PPP1R1C: variants seen among roughly 807,000 people sequenced by gnomAD.
PPP1R1C encodes protein phosphatase 1 regulatory inhibitor subunit 1C.
In PPP1R1C, 15 loss-of-function variants were observed where a neutral mutation model predicts 17.4. The observed-to-expected ratio is 0.86, with a 90% CI of 0.58 to 1.33. PPP1R1C has a LOEUF of 1.33. Ranked by LOEUF, PPP1R1C falls within the 40% of genes most tolerant of loss-of-function variation. The pLI is 0.00. For missense variants in PPP1R1C, 143 were observed against 130.0 expected (o/e 1.10, Z -0.48); for synonymous variants, 35 against 43.1 (o/e 0.81, Z 0.73).
chr2:182,084,481 A>G (rs1025741187), intron 4 of PPP1R1C, among the ~76,000 whole-genome samples: 1 of 152,118 alleles, frequency 6.6e-6, no homozygotes. Flanking sequence ...ATTCTTCTAC[A>G]TGTGGCTATC....
intron 2 of PPP1R1C, among the ~76,000 whole-genome samples, chr2:182,033,197 T>G (rs1000696659): frequency 6.6e-6 from 1 of 152,206 alleles, no homozygotes; most frequent in African/African-American, 2.4e-5. Context: ...CCTTGCCACA[T>G]CTTGCTCTGC....
rs187210533 is a variant in PPP1R1C at position 182,068,223 on chromosome 2, C to T, written c.241+4432C>T. ...GGGAAAATGAAAGTGTTGTTTACCA[C>T]ATATGATTGCTGTAGGGACTGAATG... On this transcript the variant is annotated intron_variant, in intron 4 of 4. Coordinates refer to ENST00000682840, the MANE Select transcript of PPP1R1C (RefSeq NM_001080545.3). Among the ~76,000 whole-genome samples, 178 of 152,242 alleles carry T rather than the reference C, an allele frequency of 1.2e-3. 1 individual carries two copies. The highest frequency in any genetic ancestry group is 3.9e-3 in the Admixed American group (60 of 15,292).
At chr2:182,119,878 T>A (rs1689688759), downstream of PPP1R1C, among the ~76,000 whole-genome samples, 1 of 152,226 alleles carries the variant, frequency 6.6e-6, no homozygotes. Flanking sequence ...CTGATGGTAG[T>A]TTCTTTCGCT....
rs200714728 is a variant in PPP1R1C, at chr2:181,987,895, C to T, written c.138C>T (p.Pro46=). The T allele has an allele frequency of 8.7e-5, 140 of 1,612,094 alleles. No homozygotes were observed. Among genetic ancestry groups the T allele is most frequent in the Non-Finnish European group, 1.1e-4 (132 of 1,178,760 alleles). Residue 46 remains proline (P), a synonymous_variant, in exon 2 of 5, where the codon CCC becomes CCT. Coordinates refer to ENST00000682840, the MANE Select transcript of PPP1R1C (RefSeq NM_001080545.3). ...ASLVILNEHN[P]PEIDDKRGPN... ...TTGTGATTCTCAATGAGCATAACCC[C>T]CCAGGTAAAGAAGCATGATGTGTTT... is the stretch of plus-strand genomic sequence containing the variant.
chr2:182,023,025 C>T (rs930519889), intron 2 of PPP1R1C, among the ~76,000 whole-genome samples: 11 of 151,866 alleles, frequency 7.2e-5, no homozygotes, highest in African/African-American at 1.9e-4. Flanking sequence ...TATAGTTTGT[C>T]GTATCAAAAT....
At chr2:181,992,216 G>A (rs1213160826) in intron 2 of PPP1R1C, among the ~76,000 whole-genome samples, 1 of 77,094 alleles carries the variant, frequency 1.3e-5, no homozygotes, top group East Asian at 2.7e-4. Context: ...GATAATTTCA[G>A]ATGTTAGAAA....
At chr2:182,113,479 G>T (rs1214899774) in intron 4 of PPP1R1C, among the ~76,000 whole-genome samples, 2 of 151,966 alleles carry the variant, frequency 1.3e-5, no homozygotes, top group African/African-American at 4.8e-5. Flanking sequence ...TGAGAACTAG[G>T]CAGCATGTTG....
chr2:182,016,977 A>G (rs544073591), intron 2 of PPP1R1C, among the ~76,000 whole-genome samples: 6 of 152,356 alleles, frequency 3.9e-5, no homozygotes, highest in Non-Finnish European at 5.9e-5. Context: ...ATTTTAATCC[A>G]TAATCCAAAA....
At chr2:182,066,310 A>G (rs139928489) in intron 4 of PPP1R1C, among the ~76,000 whole-genome samples, 1,865 of 152,248 alleles carry the variant, frequency 0.012, 18 homozygotes, top group South Asian at 0.038. Flanking sequence ...AGATTGTTAC[A>G]TCGGCATGTT....
At chr2:181,960,596 C>T (rs533281617) in intron 1 of PPP1R1C, among the ~76,000 whole-genome samples, 41 of 152,354 alleles carry the variant, frequency 2.7e-4, no homozygotes, top group African/African-American at 9.1e-4. Flanking sequence ...CTCTCTCCCC[C>T]TCTCTTCAAC....
At chr2:182,050,584 G>T (rs1687482293) in intron 2 of PPP1R1C, among the ~76,000 whole-genome samples, 1 of 152,074 alleles carries the variant, frequency 6.6e-6, no homozygotes, top group Non-Finnish European at 1.5e-5. Flanking sequence ...GCCTTACCTG[G>T]TTCTCTGATC....
chr2:182,084,187 T>C (rs987015305), intron 4 of PPP1R1C, among the ~76,000 whole-genome samples: 9 of 152,098 alleles, frequency 5.9e-5, no homozygotes, highest in Non-Finnish European at 2.9e-5. Context: ...GGAAGCACAG[T>C]TTGCAAGTAT....
chr2:182,029,512 C>A (rs1312119920), intron 2 of PPP1R1C, among the ~76,000 whole-genome samples: 1 of 149,118 alleles, frequency 6.7e-6, no homozygotes, highest in African/African-American at 2.5e-5. Context: ...GTTGAAAATT[C>A]TTTTCTTTAA....
intron 2 of PPP1R1C, among the ~76,000 whole-genome samples, chr2:181,995,213 A>AT (rs1225767179): frequency 6.6e-6 from 1 of 152,196 alleles, no homozygotes; most frequent in Non-Finnish European, 1.5e-5. Flanking sequence ...CTGTCACAGG[A>AT]TTTTTAAAGA....
At chr2:182,095,701 G>A (rs1688913771) in intron 4 of PPP1R1C, among the ~76,000 whole-genome samples, 1 of 152,168 alleles carries the variant, frequency 6.6e-6, no homozygotes, top group African/African-American at 2.4e-5. Context: ...CATCAGATGG[G>A]TAGTAACTGG....
intron 2 of PPP1R1C, among the ~76,000 whole-genome samples, chr2:182,021,953 G>A (rs1407935043): frequency 6.6e-6 from 1 of 152,210 alleles, no homozygotes; most frequent in Non-Finnish European, 1.5e-5. Flanking sequence ...AGAGACCCCA[G>A]TAGAAACGCT....
intron 4 of PPP1R1C, among the ~76,000 whole-genome samples, chr2:182,116,679 G>T (rs549004434): frequency 6.6e-6 from 1 of 152,306 alleles, no homozygotes; most frequent in African/African-American, 2.4e-5. Flanking sequence ...CCACTGTATA[G>T]GTTGTGGGGG....
At chr2:182,003,470 A>T (rs571486636) in intron 2 of PPP1R1C, among the ~76,000 whole-genome samples, 1 of 152,160 alleles carries the variant, frequency 6.6e-6, no homozygotes, top group African/African-American at 2.4e-5. Flanking sequence ...ATTTTTTAAG[A>T]TACTCAGATT....
chr2:181,955,099 G>A (rs548824276), intron 1 of PPP1R1C, among the ~76,000 whole-genome samples: 10 of 152,282 alleles, frequency 6.6e-5, no homozygotes, highest in South Asian at 2.1e-4. Context: ...ATTGAGGTTC[G>A]TGTTTATAAA....
Sources: allele counts gnomAD v4.1 joint callset (sites outside exome capture counted in the v4.1 genomes callset), GRCh38; gene constraint gnomAD v4.1.1; transcripts MANE v1.5; gene names NCBI Gene and HGNC (gene_info 2026-07-23, HGNC 2026-07-21).